The following ARAP2 variants were observed in gnomAD, a reference collection of about 807,000 sequenced individuals.
ARAP2 encodes arf-GAP with Rho-GAP domain, ANK repeat and PH domain-containing protein 2.
A neutral mutation model predicts 194.5 loss-of-function variants in ARAP2; 148 were observed. That is an observed-to-expected ratio of 0.76 (90% CI 0.67 to 0.87). ARAP2 has a LOEUF of 0.87. Ranked by LOEUF, ARAP2 falls within the 40% of genes least tolerant of loss-of-function variation. ARAP2 has a pLI of 0.00. For missense variants in ARAP2, 2,128 were observed against 1,989.7 expected (o/e 1.07, Z -1.32); for synonymous variants, 695 against 683.5 (o/e 1.02, Z -0.26).
At chr4:36,023,456 A>G (rs1473789266) in intron 5 of ARAP2, among the ~76,000 whole-genome samples, 3 of 151,926 alleles carry the variant, frequency 2.0e-5, no homozygotes, top group African/African-American at 7.3e-5. Context: ...TAATGCTCAG[A>G]CTCCCTTTCA....
intron 22 of ARAP2, among the ~76,000 whole-genome samples, chr4:36,122,042 A>T (rs1722796779): frequency 6.6e-6 from 1 of 151,752 alleles, no homozygotes; most frequent in African/African-American, 2.4e-5. Context: ...TAATTAAAAA[A>T]AATAAACCCA....
intron 9 of ARAP2, among the ~76,000 whole-genome samples, chr4:36,167,718 G>T (rs181612925): frequency 1.7e-3 from 253 of 151,892 alleles, no homozygotes; most frequent in Middle Eastern, 3.4e-3. Context: ...TGCTACTTTG[G>T]TATAAAAACT....
chr4:36,137,527 T>C (rs1458289096), intron 19 of ARAP2, among the ~76,000 whole-genome samples: 1 of 151,860 alleles, frequency 6.6e-6, no homozygotes, highest in South Asian at 2.1e-4. Flanking sequence ...ACAAATCACA[T>C]AAGCCGAAGT....
chr4:36,014,382 GAAAA>G (rs1225249855), intron 8 of ARAP2, among the ~76,000 whole-genome samples: 2 of 136,358 alleles, frequency 1.5e-5, no homozygotes, highest in Non-Finnish European at 3.2e-5. Context: ...AAGAAAGAAA[GAAAA>G]TGTAAGTAGC....
intron 23 of ARAP2, among the ~76,000 whole-genome samples, chr4:36,120,843 A>G (rs1183555201): frequency 1.3e-5 from 2 of 151,678 alleles, no homozygotes; most frequent in African/African-American, 4.8e-5. Context: ...TCTGGTATTT[A>G]TTAATGAATT....
At position 36,241,684 on chromosome 4, in the gene ARAP2, A is replaced by C. The variant is rs564010596; in HGVS notation, c.-160+2495T>G. ...AATACCAAAGACACCACAAAAAAAC[A>C]ACTTTTTGCAAAGAATTTGATATAT... is the stretch of plus-strand genomic sequence containing the variant. On this transcript the variant is annotated intron_variant, in intron 1 of 32. Transcript: ENST00000303965. Among the ~76,000 whole-genome samples, 160 of 152,362 alleles carry C rather than the reference A, an allele frequency of 1.1e-3. 1 individual carries two copies. Among genetic ancestry groups the C allele is most frequent in the African/African-American group, 3.7e-3 (153 of 41,580 alleles).
chr4:36,126,545 A>T (rs549954820), intron 21 of ARAP2, among the ~76,000 whole-genome samples: 3 of 152,160 alleles, frequency 2.0e-5, no homozygotes, highest in Admixed American at 2.0e-4. Context: ...TATACAGTAC[A>T]TCAAAAGAGT....
rs147211687 is a variant in ARAP2 at position 36,125,484 on chromosome 4, C to T, written c.3641-517G>A. The stretch of plus-strand genomic sequence containing the variant: ...AACTATGAACTGTACAGTACCCCTT[C>T]GATCCAGGTAAAGGGTACTTTCAAA... On this transcript the variant is annotated intron_variant, in intron 21 of 32. Transcript: ENST00000303965. 7.0e-3 allele frequency among the ~76,000 whole-genome samples: 1,062 copies of T among 152,068 alleles called. 8 individuals carry two copies. Among genetic ancestry groups the T allele is most frequent in the Non-Finnish European group, 0.01 (686 of 67,926 alleles).
intron 2 of ARAP2, among the ~76,000 whole-genome samples, chr4:36,223,004 C>G (rs985269723): frequency 6.6e-6 from 1 of 151,872 alleles, no homozygotes; most frequent in African/African-American, 2.4e-5. Flanking sequence ...TTTCCCTTCC[C>G]CTCAGTGCTT....
intron 7 of ARAP2, among the ~76,000 whole-genome samples, chr4:36,191,526 G>GT (rs1427220296): frequency 1.3e-5 from 2 of 150,522 alleles, no homozygotes; most frequent in Admixed American, 6.7e-5. Context: ...TTATAATCTA[G>GT]TATGAGATCC....
At chr4:36,024,501 A>G (rs895061949) in intron 5 of ARAP2, among the ~76,000 whole-genome samples, 5 of 152,168 alleles carry the variant, frequency 3.3e-5, no homozygotes, top group Non-Finnish European at 7.4e-5. Context: ...TATTATTCTT[A>G]TATTGTAGAA....
chr4:36,156,929 C>T (rs1464910371), intron 15 of ARAP2, among the ~76,000 whole-genome samples: 1 of 151,752 alleles, frequency 6.6e-6, no homozygotes, highest in Non-Finnish European at 1.5e-5. Context: ...AAATTTTAAC[C>T]AAAAATCCAT....
chr4:36,064,417 G>A (rs1354765752), downstream of ARAP2, among the ~76,000 whole-genome samples: 1 of 152,172 alleles, frequency 6.6e-6, no homozygotes, highest in Non-Finnish European at 1.5e-5. Flanking sequence ...CCAGAGGCAG[G>A]GGCCAAGGTT....
At chr4:36,237,519 T>C (rs1405594474) in intron 1 of ARAP2, among the ~76,000 whole-genome samples, 1 of 152,164 alleles carries the variant, frequency 6.6e-6, no homozygotes, top group Non-Finnish European at 1.5e-5. Context: ...GTGAGTTCTC[T>C]ATGAGTTCAT....
chr4:36,149,656 CTT>C (rs1045844011), intron 16 of ARAP2, among the ~76,000 whole-genome samples: 2 of 152,040 alleles, frequency 1.3e-5, no homozygotes, highest in African/African-American at 4.8e-5. Context: ...TACTTAGTAA[CTT>C]AATATATAGA....
chr4:36,007,456 C>T (rs1364478801), intron 9 of ARAP2, among the ~76,000 whole-genome samples: 2 of 152,144 alleles, frequency 1.3e-5, no homozygotes, highest in African/African-American at 4.8e-5. Context: ...GAAGCTATGT[C>T]ATCTCAAGCC....
chr4:36,228,036 A>G (rs1016029528), intron 2 of ARAP2, among the ~76,000 whole-genome samples: 2 of 152,102 alleles, frequency 1.3e-5, no homozygotes, highest in African/African-American at 2.4e-5. Flanking sequence ...GCTGTCTGTC[A>G]CCATCTTTTT....
At chr4:36,185,960 A>G (rs1740457363) in intron 8 of ARAP2, among the ~76,000 whole-genome samples, 2 of 150,762 alleles carry the variant, frequency 1.3e-5, no homozygotes, top group African/African-American at 4.9e-5. Context: ...CTTGGGCAAC[A>G]AGAGTGAAAC....
rs573516249 is a variant in ARAP2, at chr4:36,175,628, A to G, written c.1857+2199T>C. Among the ~76,000 whole-genome samples the G allele has an allele frequency of 4.6e-5, 7 of 152,302 alleles. 2 individuals are homozygous for G. In the South Asian group the frequency reaches 1.5e-3, roughly 32 times the overall value. On this transcript the variant is annotated intron_variant, in intron 9 of 32. Coordinates refer to ENST00000303965, the MANE Select transcript of ARAP2 (RefSeq NM_015230.4). ...CACACACATATACACAAACAATAGT[A>G]TACATTTTAAAGGTGTGTGTGTGTA... is the stretch of plus-strand genomic sequence containing the variant.
Sources: allele counts gnomAD v4.1 joint callset (sites outside exome capture counted in the v4.1 genomes callset), GRCh38; gene constraint gnomAD v4.1.1; transcripts MANE v1.5; gene names NCBI Gene and HGNC (gene_info 2026-07-23, HGNC 2026-07-21).